ATP6V1C2: variants seen among roughly 807,000 people sequenced by gnomAD.
The protein encoded by ATP6V1C2 is V-type proton ATPase subunit C 2.
Under a neutral mutation model 56.8 loss-of-function variants are expected in ATP6V1C2, and 45 were observed. That is an observed-to-expected ratio of 0.79 (90% CI 0.62 to 1.02). The LOEUF is 1.02. Among genes scored for constraint, ATP6V1C2 ranks in the 50% least tolerant of loss-of-function variants. The pLI is 0.00. For missense variants in ATP6V1C2, 463 were observed against 519.7 expected (o/e 0.89, Z 1.06); for synonymous variants, 220 against 201.3 (o/e 1.09, Z -0.79).
chr2:10,724,800 G>C (rs1167530353), intron 2 of ATP6V1C2, among the ~76,000 whole-genome samples: 1 of 151,628 alleles, frequency 6.6e-6, no homozygotes, highest in Non-Finnish European at 1.5e-5. Context: ...AGCCTCCCCA[G>C]TAGCTGGGAT....
At position 10,784,441 on chromosome 2, in the gene ATP6V1C2, TCTC is replaced by T. The variant is rs1169635585; in HGVS notation, c.*1182_*1184del. 4 of 752,444 alleles carry T rather than the reference TCTC, an allele frequency of 5.3e-6. No homozygotes were observed. Among genetic ancestry groups the T allele is most frequent in the South Asian group, 1.9e-5 (1 of 53,464 alleles). 46.6% of individuals were successfully genotyped at this position (752,444 alleles called of 1,614,324 possible). ...GAGCTACTCCTGCTACAATCCAGGT[TCTC>T]CTCAGTCTGACTCCTACCCTGACCT... On this transcript the variant is annotated 3_prime_UTR_variant, in exon 14 of 14. Coordinates refer to ENST00000272238, the MANE Select transcript of ATP6V1C2 (RefSeq NM_001039362.2).
At position 10,777,846 on chromosome 2, in the gene ATP6V1C2, T is replaced by A. The variant is rs1665096949; in HGVS notation, c.963+124T>A. ...TAATATGGCTTTTGAGGTCTTAAATTTGAGGAGCCGGAATCATGCCTTCCT... is the reference window on the plus strand; with the variant it reads ...TAATATGGCTTTTGAGGTCTTAAATATGAGGAGCCGGAATCATGCCTTCCT... On this transcript the variant is annotated intron_variant, in intron 11 of 13. Coordinates refer to ENST00000272238, the MANE Select transcript of ATP6V1C2 (RefSeq NM_001039362.2). The A allele has an allele frequency of 4.0e-6, 5 of 1,248,682 alleles. No individual in the cohort carries two copies. The South Asian group carries it at 7.9e-5, about 20-fold the overall frequency. The allele number at this position is 1,248,682 out of a possible 1,614,324, so 77.4% of individuals were successfully genotyped here. A position where few individuals can be genotyped will look rare whatever the true frequency, so the allele number is the denominator to read the frequency against.
intron 3 of ATP6V1C2, among the ~76,000 whole-genome samples, chr2:10,741,162 G>A (rs538726708): frequency 1.4e-4 from 22 of 152,322 alleles, no homozygotes; most frequent in East Asian, 3.9e-4. Flanking sequence ...AGATCAGCTC[G>A]TTATTTAAAC....
At chr2:10,721,567 T>C (rs1008334988), upstream of ATP6V1C2, 3 of 151,680 alleles carry the variant, frequency 2.0e-5, no homozygotes, top group African/African-American at 7.2e-5. Flanking sequence ...TATGCAAATA[T>C]CCTGCGGGGC....
At chr2:10,741,849 G>C (rs953121813) in intron 3 of ATP6V1C2, among the ~76,000 whole-genome samples, 3 of 151,764 alleles carry the variant, frequency 2.0e-5, no homozygotes, top group Admixed American at 6.6e-5. Context: ...ACCTGGTTGC[G>C]CTCTTCCCAG....
intron 12 of ATP6V1C2, among the ~76,000 whole-genome samples, chr2:10,779,955 T>C (rs1322442125): frequency 1.3e-5 from 2 of 152,160 alleles, no homozygotes; most frequent in Non-Finnish European, 2.9e-5. Context: ...CACGGAGCAC[T>C]GCGCACCGCC....
At chr2:10,732,967 CAAA>C (rs34565390) in intron 3 of ATP6V1C2, among the ~76,000 whole-genome samples, 1 of 126,102 alleles carries the variant, frequency 7.9e-6, no homozygotes. Context: ...AAGACTGTCT[CAAA>C]AAAAAAAAAA....
chr2:10,781,232 C>G (rs1437432861), intron 12 of ATP6V1C2, among the ~76,000 whole-genome samples: 10 of 152,172 alleles, frequency 6.6e-5, no homozygotes, highest in Non-Finnish European at 1.5e-5. Flanking sequence ...CTCCCTCAAG[C>G]CAGGCTGCTG....
intron 12 of ATP6V1C2, among the ~76,000 whole-genome samples, chr2:10,779,262 G>A (rs1186321925): frequency 2.6e-5 from 4 of 151,104 alleles, no homozygotes; most frequent in Non-Finnish European, 5.9e-5. Context: ...CCGCCACCAC[G>A]CCCGGCTAAT....
At chr2:10,737,275 A>C (rs1662301957) in intron 3 of ATP6V1C2, among the ~76,000 whole-genome samples, 1 of 151,280 alleles carries the variant, frequency 6.6e-6, no homozygotes, top group Admixed American at 6.6e-5. Flanking sequence ...AAAAAAAAAA[A>C]AAAGATTAAC....
intron 8 of ATP6V1C2, among the ~76,000 whole-genome samples, chr2:10,774,145 G>A (rs1177425679): frequency 6.6e-6 from 1 of 152,248 alleles, no homozygotes; most frequent in Non-Finnish European, 1.5e-5. Flanking sequence ...GAAATACCTG[G>A]AGTCTGGCGG....
chr2:10,751,014 A>G (rs142143951), intron 3 of ATP6V1C2, among the ~76,000 whole-genome samples: 69 of 152,352 alleles, frequency 4.5e-4, no homozygotes, highest in African/African-American at 1.6e-3. Flanking sequence ...AAATGAACCA[A>G]TGAATTTATG....
intron 13 of ATP6V1C2, 141 bp from the exon 14 acceptor site, chr2:10,783,033 C>T: frequency 1.7e-6 from 1 of 599,994 alleles, no homozygotes; most frequent in Non-Finnish European, 3.0e-6. Flanking sequence ...TAAAGCACAG[C>T]AAGGAGAGGG....
intron 10 of ATP6V1C2, among the ~76,000 whole-genome samples, chr2:10,775,608 G>T (rs1664912967): frequency 6.6e-6 from 1 of 152,202 alleles, no homozygotes; most frequent in Non-Finnish European, 1.5e-5. Flanking sequence ...TCCGACCACA[G>T]CCACTCAGAA....
chr2:10,781,331 C>G (rs923532143), intron 12 of ATP6V1C2, among the ~76,000 whole-genome samples: 1 of 151,998 alleles, frequency 6.6e-6, no homozygotes, highest in African/African-American at 2.4e-5. Flanking sequence ...TGGAATTAGC[C>G]TGGCGTGGTG....
chr2:10,781,844 G>A (rs916748722), intron 12 of ATP6V1C2, among the ~76,000 whole-genome samples: 5 of 152,326 alleles, frequency 3.3e-5, no homozygotes, highest in African/African-American at 7.2e-5. Flanking sequence ...AAAACTCAGC[G>A]AAAATAGTAA....
At chr2:10,775,643 A>G (rs900501919) in intron 10 of ATP6V1C2, among the ~76,000 whole-genome samples, 1 of 152,148 alleles carries the variant, frequency 6.6e-6, no homozygotes, top group African/African-American at 2.4e-5. Context: ...AGGACAGCGT[A>G]GCTCACCAGG....
intron 5 of ATP6V1C2, among the ~76,000 whole-genome samples, chr2:10,764,920 G>A (rs112980104): frequency 0.028 from 4,225 of 151,846 alleles, 206 homozygotes; most frequent in African/African-American, 0.095. Context: ...GCAGTGAGCC[G>A]AGATCATGCC....
At chr2:10,759,439 C>G (rs1209137795) in intron 4 of ATP6V1C2, among the ~76,000 whole-genome samples, 1 of 152,150 alleles carries the variant, frequency 6.6e-6, no homozygotes, top group Non-Finnish European at 1.5e-5. Context: ...CATGCTGCTG[C>G]CTGCCGGGCA....
Sources: allele counts gnomAD v4.1 joint callset (sites outside exome capture counted in the v4.1 genomes callset), GRCh38; gene constraint gnomAD v4.1.1; transcripts MANE v1.5; gene names NCBI Gene and HGNC (gene_info 2026-07-23, HGNC 2026-07-21).